Variants in SOCS7 observed in about 807,000 individuals in gnomAD.
SOCS7 encodes NAP-4.
SOCS7 carries 18 observed loss-of-function variants against 58.9 expected under a neutral mutation model. The observed-to-expected ratio is 0.31, with a 90% CI of 0.21 to 0.45. The LOEUF is 0.45. Ranked by LOEUF, SOCS7 falls within the 20% of genes least tolerant of loss-of-function variation. The pLI is 1.00. For missense variants in SOCS7, 667 were observed against 837.3 expected (o/e 0.80, Z 2.51); for synonymous variants, 388 against 364.3 (o/e 1.06, Z -0.74).
chr17:38,389,748 G>C (rs2144389270), intron 7 of SOCS7, among the ~76,000 whole-genome samples: 1 of 143,324 alleles, frequency 7.0e-6, no homozygotes, highest in South Asian at 2.3e-4. Context: ...AAAGGTGATG[G>C]AGCTTAATGC....
intron 7 of SOCS7, among the ~76,000 whole-genome samples, chr17:38,387,908 T>C (rs1019781969): frequency 2.0e-5 from 3 of 151,304 alleles, no homozygotes; most frequent in Non-Finnish European, 4.4e-5. Flanking sequence ...TAGCTGGGAT[T>C]ACAGGCACGT....
chr17:38,385,919 C>A (rs1372037720), intron 7 of SOCS7, among the ~76,000 whole-genome samples: 1 of 152,082 alleles, frequency 6.6e-6, no homozygotes, highest in Non-Finnish European at 1.5e-5. Context: ...GTAGCTCATG[C>A]CTAAAATCCC....
chr17:38,373,768 C>T (rs780898185), intron 6 of SOCS7, among the ~76,000 whole-genome samples: 16 of 152,200 alleles, frequency 1.1e-4, no homozygotes, highest in Non-Finnish European at 2.4e-4. Context: ...GGTCTGCTTG[C>T]CCCCAGACGC....
chr17:38,381,918 A>G (rs1204806508), intron 7 of SOCS7, among the ~76,000 whole-genome samples: 5 of 143,962 alleles, frequency 3.5e-5, no homozygotes, highest in African/African-American at 1.1e-4. Flanking sequence ...GAGCCAAGTC[A>G]TACCACTGCA....
At chr17:38,371,291 T>C (rs2037860529) in intron 6 of SOCS7, among the ~76,000 whole-genome samples, 1 of 151,860 alleles carries the variant, frequency 6.6e-6, no homozygotes, top group Admixed American at 6.6e-5. Flanking sequence ...TTTTTTTTTT[T>C]TGAGACGGAG....
intron 1 of SOCS7, among the ~76,000 whole-genome samples, chr17:38,353,289 C>T (rs1273971273): frequency 6.6e-6 from 1 of 152,198 alleles, no homozygotes; most frequent in East Asian, 1.9e-4. Flanking sequence ...TTCAGACCAT[C>T]CTCCCATCCC....
chr17:38,362,755 A>G (rs1453645317), intron 2 of SOCS7, among the ~76,000 whole-genome samples: 6 of 152,224 alleles, frequency 3.9e-5, no homozygotes, highest in Non-Finnish European at 8.8e-5. Flanking sequence ...CCAGAATTAA[A>G]AAATCTTATC....
At chr17:38,361,613 T>G (rs2037719972) in intron 1 of SOCS7, 98 bp from the exon 2 acceptor site, 2 of 912,044 alleles carry the variant, frequency 2.2e-6, no homozygotes, top group Non-Finnish European at 3.7e-6. Context: ...AGGGTTTGCT[T>G]TATTTCTCAG....
intron 1 of SOCS7, among the ~76,000 whole-genome samples, chr17:38,357,050 G>A (rs978976897): frequency 1.3e-5 from 2 of 152,178 alleles, no homozygotes; most frequent in African/African-American, 2.4e-5. Flanking sequence ...GTAGTGAGGT[G>A]GAGAAATGGA....
At chr17:38,365,454 A>G (rs1555568180) in intron 4 of SOCS7, 45 bp downstream of exon 4, 1 of 1,268,734 alleles carries the variant, frequency 7.9e-7, no homozygotes, top group Non-Finnish European at 1.1e-6. Context: ...TGGGAGTACA[A>G]AGTGATACTT....
chr17:38,394,215 G>A (rs540138231), intron 7 of SOCS7, among the ~76,000 whole-genome samples: 1 of 152,190 alleles, frequency 6.6e-6, no homozygotes, highest in Non-Finnish European at 1.5e-5. Context: ...ATACATAAGG[G>A]TGTGGTACTC....
chr17:38,375,477 T>A (rs1232741719), intron 6 of SOCS7, among the ~76,000 whole-genome samples: 5 of 152,218 alleles, frequency 3.3e-5, no homozygotes, highest in Non-Finnish European at 7.3e-5. Context: ...TTCTTAATAG[T>A]GTTTTCTTAA....
At chr17:38,367,356 C>T (rs1292083872) in intron 5 of SOCS7, among the ~76,000 whole-genome samples, 3 of 151,238 alleles carry the variant, frequency 2.0e-5, no homozygotes, top group Non-Finnish European at 4.4e-5. Context: ...TGAACCACTG[C>T]GCCCAGCCAT....
chr17:38,379,170 C>A (rs199539438), intron 7 of SOCS7, among the ~76,000 whole-genome samples: 182 of 110,282 alleles, frequency 1.7e-3, no homozygotes, highest in Admixed American at 1.5e-3. Context: ...AAAAAAAAAA[C>A]AAAAAAAAAC....
At chr17:38,368,821 G>A (rs977836622) in intron 6 of SOCS7, among the ~76,000 whole-genome samples, 2 of 152,134 alleles carry the variant, frequency 1.3e-5, no homozygotes, top group African/African-American at 4.8e-5. Flanking sequence ...TTTCTCCCAG[G>A]CAGCATGGTG....
At chr17:38,393,534 G>T (rs1253921773) in intron 7 of SOCS7, among the ~76,000 whole-genome samples, 1 of 152,040 alleles carries the variant, frequency 6.6e-6, no homozygotes, top group Non-Finnish European at 1.5e-5. Context: ...CTACTCGAGA[G>T]GCTAAGGCAG....
At chr17:38,358,468 A>G (rs1319458496) in intron 1 of SOCS7, among the ~76,000 whole-genome samples, 1 of 152,180 alleles carries the variant, frequency 6.6e-6, no homozygotes. Context: ...CACTAAACTT[A>G]ACAAATAGAA....
chr17:38,398,932 A>C (rs1033607407), intron 9 of SOCS7, among the ~76,000 whole-genome samples: 2 of 152,002 alleles, frequency 1.3e-5, no homozygotes, highest in Non-Finnish European at 2.9e-5. Context: ...CTCTACTAAA[A>C]ATACAAAATT....
At chr17:38,399,200 C>T (rs2038287165) in intron 9 of SOCS7, among the ~76,000 whole-genome samples, 1 of 151,804 alleles carries the variant, frequency 6.6e-6, no homozygotes, top group African/African-American at 2.4e-5. Flanking sequence ...AATTGAGCCT[C>T]AGGGAAAAAA....
Sources: gnomAD v4.1 joint callset for allele counts (sites outside exome capture counted in the v4.1 genomes callset) on GRCh38, gnomAD v4.1.1 for gene constraint, MANE v1.5 for transcripts, NCBI Gene and HGNC (gene_info 2026-07-23, HGNC 2026-07-21) for gene names.